Variants in NFATC3 observed in about 807,000 individuals in gnomAD.
The protein encoded by NFATC3 is nuclear factor of activated T cells 3, also known as nuclear factor of activated T-cells, cytoplasmic 3.
A neutral mutation model predicts 98.6 loss-of-function variants in NFATC3; 46 were observed. That is an observed-to-expected ratio of 0.47 (90% confidence interval 0.37 to 0.60). The LOEUF is 0.60. NFATC3 is among the 20% of genes least tolerant of loss of function. NFATC3 has a pLI of 0.00. For synonymous variants in NFATC3, 512 were observed against 472.2 expected (o/e 1.08, Z -1.09); for missense variants, 1,256 against 1,295.5 (o/e 0.97, Z 0.47).
intron 7 of NFATC3, among the ~76,000 whole-genome samples, chr16:68,182,326 G>C (rs926597391): frequency 6.6e-6 from 1 of 152,128 alleles, no homozygotes; most frequent in African/African-American, 2.4e-5. Context: ...GGTTGGAATG[G>C]AGACAGAGCA....
intron 1 of NFATC3, among the ~76,000 whole-genome samples, chr16:68,086,418 T>A (rs543162742): frequency 6.6e-6 from 1 of 152,128 alleles, no homozygotes; most frequent in South Asian, 2.1e-4. Flanking sequence ...TTTTTCATAA[T>A]TTTCCTAGAA....
At chr16:68,101,305 C>T (rs985943114) in intron 1 of NFATC3, among the ~76,000 whole-genome samples, 9 of 151,820 alleles carry the variant, frequency 5.9e-5, no homozygotes, top group South Asian at 2.1e-4. Context: ...CACCATGCCC[C>T]GCCAATTTTT....
At chr16:68,147,566 A>G (rs184335575) in intron 3 of NFATC3, among the ~76,000 whole-genome samples, 14 of 152,304 alleles carry the variant, frequency 9.2e-5, no homozygotes, top group Admixed American at 5.2e-4. Flanking sequence ...CAGTGCTCAC[A>G]GGCAAGTGGT....
intron 9 of NFATC3, chr16:68,209,641 T>A: frequency 2.5e-6 from 1 of 405,578 alleles, no homozygotes. Context: ...GTCAAGTTCA[T>A]AGAGGTTCTT....
rs1555524024 is a variant in NFATC3, at chr16:68,209,838, A to AACAC, written c.3107-16504_3107-16501dup. ...ACTCTGGCTAACCCCCCTGCCCCCCAACACACACACAGACACACACACACA... is the reference window on the plus strand; with the variant it reads ...ACTCTGGCTAACCCCCCTGCCCCCCAACACACACACACACAGACACACACACACA... On this transcript the variant is annotated intron_variant, in intron 9 of 9. Coordinates refer to ENST00000346183, the MANE Select transcript of NFATC3 (RefSeq NM_173165.3). 5.9e-4 allele frequency: 215 copies of AACAC among 362,502 alleles called. 1 individual carries two copies. The highest frequency in any genetic ancestry group is 3.7e-3 in the African/African-American group (173 of 46,358). The allele number at this position is 362,502 out of a possible 1,614,324, so 22.5% of individuals were successfully genotyped here. A position where few individuals can be genotyped will look rare whatever the true frequency, so the allele number is the denominator to read the frequency against.
At chr16:68,163,772 G>T (rs2039034816) in intron 4 of NFATC3, among the ~76,000 whole-genome samples, 1 of 151,612 alleles carries the variant, frequency 6.6e-6, no homozygotes, top group African/African-American at 2.4e-5. Context: ...CGGGGCGGTG[G>T]GGCAGAGGCG....
chr16:68,134,535 A>T (rs1234336335), intron 3 of NFATC3, among the ~76,000 whole-genome samples: 2 of 151,970 alleles, frequency 1.3e-5, no homozygotes, highest in South Asian at 4.1e-4. Context: ...TTCCTTCTTA[A>T]TTTTTATACT....
chr16:68,094,422 C>CAAA (rs199789472), intron 1 of NFATC3, among the ~76,000 whole-genome samples: 2 of 135,960 alleles, frequency 1.5e-5, no homozygotes, highest in African/African-American at 5.4e-5. Flanking sequence ...TTCACATGTT[C>CAAA]AAAAAAAAAA....
In NFATC3 at chr16:68,165,491, G is replaced by A. The variant is rs143228493; in HGVS notation, c.1602-1352G>A. Among the ~76,000 whole-genome samples the A allele has an allele frequency of 5.4e-3, 821 of 150,894 alleles. 4 individuals are homozygous for A. The highest frequency in any genetic ancestry group is 0.019 in the African/African-American group (788 of 41,068). Reference sequence around the variant, plus strand: ...AGCTCATTGCAACCTCTGCCTCCTGGGCTCAAGCAGTTTTCCTGCCTCAGC... The same window carrying A: ...AGCTCATTGCAACCTCTGCCTCCTGAGCTCAAGCAGTTTTCCTGCCTCAGC... On this transcript the variant is annotated intron_variant, in intron 4 of 9. Coordinates refer to ENST00000346183, the MANE Select transcript of NFATC3 (RefSeq NM_173165.3).
At chr16:68,151,054 T>A (rs2038293107) in intron 3 of NFATC3, among the ~76,000 whole-genome samples, 1 of 152,140 alleles carries the variant, frequency 6.6e-6, no homozygotes, top group African/African-American at 2.4e-5. Context: ...AATGGACTAA[T>A]ACAGTAGTTT....
At chr16:68,174,317 A>G in intron 5 of NFATC3, 57 bp from the exon 6 acceptor site, 3 of 1,293,890 alleles carry the variant, frequency 2.3e-6, no homozygotes, top group Non-Finnish European at 3.0e-6. Context: ...TTTATGTATC[A>G]AAGATTTTTA....
intron 3 of NFATC3, among the ~76,000 whole-genome samples, chr16:68,156,610 A>G (rs145101816): frequency 3.0e-4 from 45 of 152,304 alleles, no homozygotes; most frequent in African/African-American, 1.1e-3. Context: ...AGAGAAAAAA[A>G]CCTTTGACAA....
chr16:68,161,504 GTGTGTGCATGCACACACAAA>G (rs2038892152), intron 4 of NFATC3, among the ~76,000 whole-genome samples: 1 of 152,106 alleles, frequency 6.6e-6, no homozygotes, highest in Non-Finnish European at 1.5e-5. Flanking sequence ...TATTGCATGC[GTGTGTGCATGCACACACAAA>G]CACAGTCCTT....
At chr16:68,144,498 A>G (rs1286537357) in intron 3 of NFATC3, among the ~76,000 whole-genome samples, 1 of 151,950 alleles carries the variant, frequency 6.6e-6, no homozygotes, top group Non-Finnish European at 1.5e-5. Context: ...ACTATGTATT[A>G]TCATTATCAT....
intron 6 of NFATC3, among the ~76,000 whole-genome samples, chr16:68,178,459 GA>G (rs2039814026): frequency 1.3e-5 from 2 of 152,158 alleles, no homozygotes; most frequent in Non-Finnish European, 2.9e-5. Flanking sequence ...AGTGCTATGT[GA>G]TATAGACACT....
rs2042059843 is a variant in NFATC3 at position 68,227,435 on chromosome 16, G to C, written c.*964G>C. The C allele has an allele frequency of 6.6e-6, 1 of 152,038 alleles. No individual in the cohort carries two copies. The highest frequency in any genetic ancestry group is 2.1e-4 in the South Asian group (1 of 4,830). 9.4% of individuals were successfully genotyped at this position (152,038 alleles called of 1,614,324 possible). A position where few individuals can be genotyped will look rare whatever the true frequency, so the allele number is the denominator to read the frequency against. ...TCTCAGTGGTTTAGGCAGCTTTGCA[G>C]TTCTAACTCTAGCTAGAGGCCAGGC... is the stretch of plus-strand genomic sequence containing the variant. On this transcript the variant is annotated 3_prime_UTR_variant, in exon 10 of 10. Transcript: ENST00000346183.
At chr16:68,209,858 C>CAA (rs2041303450) in intron 9 of NFATC3, 1 of 318,626 alleles carries the variant, frequency 3.1e-6, no homozygotes, top group South Asian at 2.5e-5. Flanking sequence ...CAGACACACA[C>CAA]ACACACACAC....
intron 9 of NFATC3, among the ~76,000 whole-genome samples, chr16:68,224,022 G>A (rs1162206794): frequency 6.6e-6 from 1 of 151,152 alleles, no homozygotes; most frequent in African/African-American, 2.4e-5. Flanking sequence ...CGAGGTGGGT[G>A]GATCATGAGG....
In NFATC3 at chr16:68,166,822, T is replaced by A. The variant is rs1300728129; in HGVS notation, c.1602-21T>A. 5 of 1,572,224 alleles carry A rather than the reference T, an allele frequency of 3.2e-6. No individual in the cohort carries two copies. The African/African-American group carries it at 6.8e-5, about 21-fold the overall frequency. On this transcript the variant is annotated intron_variant, in intron 4 of 9. Transcript: ENST00000346183. ...CATGATTATCAATAAACAAATTAAA[T>A]TTTTGTATTTTTCTCTTTAGTATTG...
Sources: allele counts gnomAD v4.1 joint callset (sites outside exome capture counted in the v4.1 genomes callset), GRCh38; gene constraint gnomAD v4.1.1; transcripts MANE v1.5; gene names NCBI Gene and HGNC (gene_info 2026-07-23, HGNC 2026-07-21).